Variants in SLC30A8 observed in about 807,000 individuals in gnomAD.
SLC30A8 encodes the protein proton-coupled zinc antiporter SLC30A8.
In SLC30A8, 27 loss-of-function variants were observed where a neutral mutation model predicts 36.9. That is an observed-to-expected ratio of 0.73 (90% CI 0.54 to 1.01). SLC30A8 has a LOEUF of 1.01. Among genes scored for constraint, SLC30A8 ranks in the 50% least tolerant of loss-of-function variants. The pLI, the probability that SLC30A8 is intolerant of heterozygous loss-of-function variation, is 0.00. For missense variants in SLC30A8, 439 were observed against 452.0 expected (o/e 0.97, Z 0.26); for synonymous variants, 164 against 172.4 (o/e 0.95, Z 0.38).
intron 1 of SLC30A8, among the ~76,000 whole-genome samples, chr8:117,017,093 A>C (rs1385874533): frequency 2.0e-5 from 3 of 152,070 alleles, no homozygotes; most frequent in Non-Finnish European, 4.4e-5. Flanking sequence ...CAGTTATTTA[A>C]TTTGTAAAAG....
chr8:116,986,937 G>A (rs1345734979), intron 1 of SLC30A8, among the ~76,000 whole-genome samples: 1 of 152,128 alleles, frequency 6.6e-6, no homozygotes, highest in Non-Finnish European at 1.5e-5. Context: ...AAGAAGAAAT[G>A]TAAATGTAAT....
rs551068252 is a variant in SLC30A8, at chr8:117,096,176, G to C, written c.-225-39104G>C. ...GGGGTTTGAACTTTGCTCTTTCCAC[G>C]AGCATTATTAAGAAGGAGAACTCGT... On this transcript the variant is annotated intron_variant, in intron 2 of 10. Coordinates refer to the SLC30A8 transcript ENST00000427715. Among the ~76,000 whole-genome samples the C allele has an allele frequency of 3.3e-5, 5 of 152,252 alleles. No individual in the cohort carries two copies. In the East Asian group the frequency reaches 9.6e-4, roughly 29 times the overall value.
intron 2 of SLC30A8, among the ~76,000 whole-genome samples, chr8:117,105,579 AG>A (rs1399121808): frequency 6.6e-6 from 1 of 152,158 alleles, no homozygotes; most frequent in Non-Finnish European, 1.5e-5. Context: ...TGAAATTTGT[AG>A]GGCAAGCCAG....
At chr8:116,965,662 GT>G in intron 1 of SLC30A8, among the ~76,000 whole-genome samples, 1 of 152,220 alleles carries the variant, frequency 6.6e-6, no homozygotes, top group East Asian at 1.9e-4. Flanking sequence ...TTCTGAATTA[GT>G]TTAGTTTATT....
chr8:117,092,523 C>T (rs2130833336), intron 2 of SLC30A8, among the ~76,000 whole-genome samples: 1 of 152,214 alleles, frequency 6.6e-6, no homozygotes, highest in South Asian at 2.1e-4. Context: ...AAATTTTTAG[C>T]TAGCCATGAT....
At chr8:117,091,804 G>T (rs527770653) in intron 2 of SLC30A8, among the ~76,000 whole-genome samples, 2 of 152,248 alleles carry the variant, frequency 1.3e-5, no homozygotes, top group South Asian at 2.1e-4. Flanking sequence ...ATTTCTGTGG[G>T]CTATGTGAAA....
chr8:117,163,400 C>A (rs1480844436), intron 5 of SLC30A8, 25 bp from the exon 6 acceptor site: 1 of 1,581,566 alleles, frequency 6.3e-7, no homozygotes, highest in Admixed American at 1.7e-5. Flanking sequence ...ATTCAGTTAA[C>A]CAAAATCCCT....
At chr8:116,997,953 G>A (rs1005262664) in intron 1 of SLC30A8, among the ~76,000 whole-genome samples, 2 of 152,192 alleles carry the variant, frequency 1.3e-5, no homozygotes, top group African/African-American at 2.4e-5. Flanking sequence ...TGCTGCAAAG[G>A]AGCTGTGTAT....
chr8:117,013,104 G>T (rs1220955283), intron 1 of SLC30A8, among the ~76,000 whole-genome samples: 2 of 152,148 alleles, frequency 1.3e-5, no homozygotes, highest in Non-Finnish European at 1.5e-5. Context: ...ATAGCTTTGA[G>T]AATTCAATTG....
intron 1 of SLC30A8, 94 bp from the exon 2 acceptor site, chr8:117,146,860 T>A: frequency 1.3e-6 from 2 of 1,559,300 alleles, no homozygotes; most frequent in South Asian, 2.4e-5. Flanking sequence ...TAAGCAAATG[T>A]CCTAATAGCG....
Position 117,110,636 on chromosome 8 carries a change from G to C in SLC30A8, c.-225-24644G>C, listed in dbSNP as rs369556388. Among the ~76,000 whole-genome samples, 9 of 152,296 alleles carry C rather than the reference G, an allele frequency of 5.9e-5. No individual in the cohort carries two copies. The East Asian group carries it at 1.4e-3, about 23-fold the overall frequency. On this transcript the variant is annotated intron_variant, in intron 2 of 10. Transcript: ENST00000427715. ...TCCTGAGCCCCAGACTCTCTGAGAG[G>C]ATCAAGGAATGGGCTGAGAAGGGTC... is the stretch of plus-strand genomic sequence containing the variant.
At chr8:117,140,474 C>G (rs1821600660) in intron 1 of SLC30A8, among the ~76,000 whole-genome samples, 1 of 151,756 alleles carries the variant, frequency 6.6e-6, no homozygotes, top group Non-Finnish European at 1.5e-5. Flanking sequence ...AAGCAAAACA[C>G]AAATAAAAAA....
At chr8:117,034,739 G>T (rs1817159373) in intron 1 of SLC30A8, among the ~76,000 whole-genome samples, 1 of 152,138 alleles carries the variant, frequency 6.6e-6, no homozygotes, top group Non-Finnish European at 1.5e-5. Flanking sequence ...GCTTGAGACT[G>T]GGTAATTTAT....
chr8:117,062,134 AG>A (rs908101803), intron 2 of SLC30A8, among the ~76,000 whole-genome samples: 1 of 152,168 alleles, frequency 6.6e-6, no homozygotes, highest in Non-Finnish European at 1.5e-5. Context: ...GTAGATGTTG[AG>A]ACTAAGCCAC....
chr8:117,085,044 C>T (rs896521628), intron 2 of SLC30A8, among the ~76,000 whole-genome samples: 7 of 152,020 alleles, frequency 4.6e-5, no homozygotes, highest in African/African-American at 4.8e-5. Context: ...GGAATTGATT[C>T]TGTTTCTGGA....
At chr8:117,037,021 A>T (rs1586427796) in intron 1 of SLC30A8, among the ~76,000 whole-genome samples, 1 of 151,952 alleles carries the variant, frequency 6.6e-6, no homozygotes. Context: ...TAGCACATCA[A>T]TTTTTAAATT....
chr8:117,078,899 G>T (rs1286862613), intron 2 of SLC30A8, among the ~76,000 whole-genome samples: 1 of 152,140 alleles, frequency 6.6e-6, no homozygotes, highest in Non-Finnish European at 1.5e-5. Flanking sequence ...TGTTGCCCAG[G>T]CTGGTCTTGA....
chr8:117,033,639 A>G (rs1450701512), intron 1 of SLC30A8, among the ~76,000 whole-genome samples: 2 of 152,252 alleles, frequency 1.3e-5, no homozygotes, highest in African/African-American at 2.4e-5. Flanking sequence ...TTTCACCTCA[A>G]TTAAAAGAAA....
intron 2 of SLC30A8, among the ~76,000 whole-genome samples, chr8:117,111,210 G>A (rs889570815): frequency 1.3e-5 from 2 of 152,124 alleles, no homozygotes; most frequent in Non-Finnish European, 2.9e-5. Context: ...AACATTGGTA[G>A]CTATTTTTAT....
Sources: allele counts gnomAD v4.1 joint callset (sites outside exome capture counted in the v4.1 genomes callset), GRCh38; gene constraint gnomAD v4.1.1; transcripts MANE v1.5; gene names NCBI Gene and HGNC (gene_info 2026-07-23, HGNC 2026-07-21).